Variants in TMPRSS15 observed in about 807,000 individuals in gnomAD.
TMPRSS15 encodes the protein transmembrane serine protease 15, also known as enteropeptidase.
A neutral mutation model predicts 125.3 loss-of-function variants in TMPRSS15; 128 were observed. The observed-to-expected ratio is 1.02, with a 90% confidence interval of 0.89 to 1.18. The LOEUF (loss-of-function observed/expected upper bound fraction) is 1.18, where lower values mean the gene tolerates loss of function less well. TMPRSS15 is among the 50% of genes most tolerant of loss of function. TMPRSS15 has a pLI of 0.00. For synonymous variants in TMPRSS15, 446 were observed against 423.2 expected (o/e 1.05, Z -0.66); for missense variants, 1,283 against 1,212.7 (o/e 1.06, Z -0.86).
chr21:18,343,492 A>C lies in TMPRSS15; in HGVS notation c.1428+14T>G. 1 of 1,579,636 alleles carries C rather than the reference A, an allele frequency of 6.3e-7. No individual in the cohort carries two copies. Among genetic ancestry groups the C allele is most frequent in the Non-Finnish European group, 8.7e-7 (1 of 1,150,118 alleles). On this transcript the variant is annotated intron_variant, in intron 12 of 24. Transcript: ENST00000284885. ...AAAAGGATACAAATATAAATAATAA[A>C]GTATTTTGCAAACCTTAAATTTAAC...
chr21:18,444,739 C>T (rs1315455711), intron 1 of TMPRSS15, among the ~76,000 whole-genome samples: 3 of 152,080 alleles, frequency 2.0e-5, no homozygotes, highest in South Asian at 2.1e-4. Context: ...TTTTGAAATA[C>T]TATACAATAT....
At chr21:18,401,191 A>G (rs1323617543) in intron 1 of TMPRSS15, among the ~76,000 whole-genome samples, 1 of 152,190 alleles carries the variant, frequency 6.6e-6, no homozygotes, top group Non-Finnish European at 1.5e-5. Context: ...AAGAACCTAA[A>G]ACAGAAATAC....
chr21:18,434,329 T>C (rs887287652), intron 1 of TMPRSS15, among the ~76,000 whole-genome samples: 1 of 152,148 alleles, frequency 6.6e-6, no homozygotes, highest in East Asian at 1.9e-4. Flanking sequence ...AGTATAAACA[T>C]GCATAAATAT....
At position 18,327,929 on chromosome 21, in the gene TMPRSS15, T is replaced by C. The variant is rs575613276; in HGVS notation, c.1780+1240A>G. On this transcript the variant is annotated intron_variant, in intron 15 of 24. Coordinates refer to ENST00000284885, the MANE Select transcript of TMPRSS15 (RefSeq NM_002772.3). ...TTAGCCGGGCGAGGTGGTGGGCGCC[T>C]GTAATCCAATCTACTCTGGAGGCTG... Among the ~76,000 whole-genome samples, 179 of 152,140 alleles carry C rather than the reference T, an allele frequency of 1.2e-3. 1 individual carries two copies. Among genetic ancestry groups the C allele is most frequent in the African/African-American group, 4.0e-3 (167 of 41,524 alleles).
intron 5 of TMPRSS15, among the ~76,000 whole-genome samples, chr21:18,373,670 CA>C (rs2075813948): frequency 6.6e-6 from 1 of 152,146 alleles, no homozygotes; most frequent in Admixed American, 6.5e-5. Context: ...TTCAGCATTT[CA>C]AAGATGAATT....
chr21:18,319,077 G>A (rs1396470414), intron 16 of TMPRSS15, among the ~76,000 whole-genome samples: 1 of 151,890 alleles, frequency 6.6e-6, no homozygotes, highest in Non-Finnish European at 1.5e-5. Flanking sequence ...TAATTCTAGT[G>A]ATTTGAAAAA....
chr21:18,296,879 C>A (rs2074913803), intron 19 of TMPRSS15, among the ~76,000 whole-genome samples: 1 of 152,150 alleles, frequency 6.6e-6, no homozygotes, highest in Admixed American at 6.5e-5. Context: ...CAAAATACTC[C>A]TTTACCATTT....
chr21:18,332,017 C>A, intron 14 of TMPRSS15, 67 bp downstream of exon 14: 8 of 1,362,852 alleles, frequency 5.9e-6, no homozygotes, highest in South Asian at 1.2e-5. Context: ...TACTTTGCTG[C>A]GTCAAGGGGA....
chr21:18,481,913 T>C (rs138860389), intron 1 of TMPRSS15, among the ~76,000 whole-genome samples: 320 of 151,814 alleles, frequency 2.1e-3, no homozygotes, highest in Non-Finnish European at 3.6e-3. Context: ...GAGGAAAACA[T>C]GAAAGCAAAT....
chr21:18,414,765 C>T (rs1220654019), intron 1 of TMPRSS15, among the ~76,000 whole-genome samples: 1 of 152,140 alleles, frequency 6.6e-6, no homozygotes, highest in African/African-American at 2.4e-5. Context: ...TGTCAAAGGA[C>T]ACTTAAGTTG....
At chr21:18,385,890 C>T (rs573407546) in intron 3 of TMPRSS15, among the ~76,000 whole-genome samples, 1 of 152,062 alleles carries the variant, frequency 6.6e-6, no homozygotes, top group African/African-American at 2.4e-5. Context: ...ACTACAGGTG[C>T]CCGACACCAT....
At chr21:18,435,576 AT>A (rs1314465979) in intron 1 of TMPRSS15, among the ~76,000 whole-genome samples, 1 of 152,126 alleles carries the variant, frequency 6.6e-6, no homozygotes, top group African/African-American at 2.4e-5. Flanking sequence ...CATCAAGGAT[AT>A]TGGTCTAAAA....
At chr21:18,382,664 CG>C (rs1398494215) in intron 4 of TMPRSS15, among the ~76,000 whole-genome samples, 3 of 152,120 alleles carry the variant, frequency 2.0e-5, no homozygotes, top group Non-Finnish European at 4.4e-5. Context: ...TTATTCCCCT[CG>C]GTGTAGATAT....
chr21:18,295,276 CT>C (rs2074891295), intron 19 of TMPRSS15, among the ~76,000 whole-genome samples: 2 of 152,154 alleles, frequency 1.3e-5, no homozygotes, highest in South Asian at 2.1e-4. Context: ...TAAATACCAA[CT>C]TTTTTCAGTG....
intron 10 of TMPRSS15, among the ~76,000 whole-genome samples, chr21:18,345,692 G>A (rs1388283573): frequency 1.8e-5 from 2 of 112,754 alleles, no homozygotes; most frequent in Non-Finnish European, 3.4e-5. Context: ...AGTGAGCCGA[G>A]GTCGTGCCAC....
chr21:18,431,432 C>G (rs2076216272), intron 1 of TMPRSS15, among the ~76,000 whole-genome samples: 1 of 152,022 alleles, frequency 6.6e-6, no homozygotes, highest in African/African-American at 2.4e-5. Flanking sequence ...TCCATTCTTT[C>G]TGTTTTCCAT....
At chr21:18,396,754 A>G (rs1433562947) in intron 3 of TMPRSS15, among the ~76,000 whole-genome samples, 2 of 147,642 alleles carry the variant, frequency 1.4e-5, no homozygotes, top group Non-Finnish European at 3.0e-5. Flanking sequence ...AGCCTGGGCG[A>G]CAGAATGAGA....
chr21:18,422,370 T>TA (rs533277700), intron 1 of TMPRSS15, among the ~76,000 whole-genome samples: 60 of 148,728 alleles, frequency 4.0e-4, no homozygotes, highest in South Asian at 8.5e-4. Context: ...TATGTTTATT[T>TA]AAAAAAAAAA....
chr21:18,276,308 A>G (rs2074619394), intron 23 of TMPRSS15, among the ~76,000 whole-genome samples: 1 of 152,214 alleles, frequency 6.6e-6, no homozygotes, highest in East Asian at 1.9e-4. Flanking sequence ...TGAAAGCCCC[A>G]TGGGCCTTCC....
Sources: allele counts gnomAD v4.1 joint callset (sites outside exome capture counted in the v4.1 genomes callset), GRCh38; gene constraint gnomAD v4.1.1; transcripts MANE v1.5; gene names NCBI Gene and HGNC (gene_info 2026-07-23, HGNC 2026-07-21).